RPTOR: variants seen among roughly 807,000 people sequenced by gnomAD.
RPTOR encodes the protein regulatory-associated protein of mTOR.
RPTOR carries 21 observed loss-of-function variants against 169.9 expected under a neutral mutation model. The ratio of observed to expected loss-of-function variants is 0.12; its 90% confidence interval spans 0.09 to 0.18. The LOEUF (loss-of-function observed/expected upper bound fraction) is 0.18, where lower values mean the gene tolerates loss of function less well. Ranked by LOEUF, RPTOR falls within the 10% of genes least tolerant of loss-of-function variation. The pLI, the probability that RPTOR is intolerant of heterozygous loss-of-function variation, is 1.00. For missense variants in RPTOR, 1,133 were observed against 1,855.9 expected, an observed-to-expected ratio of 0.61 and a Z score of 7.16; for synonymous variants, 732 against 753.2, an observed-to-expected ratio of 0.97 and a Z score of 0.46.
chr17:80,701,236 G>A (rs1336487562), intron 3 of RPTOR, among the ~76,000 whole-genome samples: 1 of 152,188 alleles, frequency 6.6e-6, no homozygotes, highest in African/African-American at 2.4e-5. Flanking sequence ...TGTGTCCTCA[G>A]CGGCTCCACC....
At chr17:80,962,019 G>A (rs776390172) in intron 31 of RPTOR, among the ~76,000 whole-genome samples, 20 of 152,232 alleles carry the variant, frequency 1.3e-4, no homozygotes, top group Non-Finnish European at 2.8e-4. Context: ...TGCTGGGGGT[G>A]GAAGGCAGGA....
chr17:80,819,055 C>G (rs1374758494), intron 7 of RPTOR, among the ~76,000 whole-genome samples: 1 of 152,196 alleles, frequency 6.6e-6, no homozygotes, highest in East Asian at 1.9e-4. Flanking sequence ...GGTTTGCAAA[C>G]AGCCTGCGGG....
At chr17:80,595,307 A>G (rs879938649) in intron 1 of RPTOR, among the ~76,000 whole-genome samples, 18 of 152,208 alleles carry the variant, frequency 1.2e-4, no homozygotes, top group Non-Finnish European at 1.6e-4. Context: ...ATCTAGTTCT[A>G]TTAGAAAAAA....
At chr17:80,863,985 A>T (rs1461733572) in intron 13 of RPTOR, among the ~76,000 whole-genome samples, 6 of 152,308 alleles carry the variant, frequency 3.9e-5, no homozygotes, top group South Asian at 2.1e-4. Flanking sequence ...AGAAAAAAAA[A>T]TTTAATTAAA....
intron 25 of RPTOR, among the ~76,000 whole-genome samples, chr17:80,945,410 G>C (rs1220244909): frequency 6.6e-6 from 1 of 152,054 alleles, no homozygotes; most frequent in Non-Finnish European, 1.5e-5. Context: ...GTCTAACACG[G>C]TGAAACCCCA....
chr17:80,945,362 G>A (rs8075387), intron 25 of RPTOR, among the ~76,000 whole-genome samples: 54,318 of 151,882 alleles, frequency 0.36, 9,851 homozygotes, highest in East Asian at 0.47. Context: ...GGAGGCCGAG[G>A]CGGGCAGATC....
chr17:80,958,066 G>A (rs1297294323), intron 29 of RPTOR, among the ~76,000 whole-genome samples: 2 of 151,908 alleles, frequency 1.3e-5, no homozygotes, highest in African/African-American at 4.8e-5. Context: ...TTAATTATTT[G>A]GAGGCGTTTT....
intron 3 of RPTOR, among the ~76,000 whole-genome samples, chr17:80,662,031 T>C (rs1344157724): frequency 6.6e-6 from 1 of 152,186 alleles, no homozygotes; most frequent in Non-Finnish European, 1.5e-5. Flanking sequence ...TTCTAAAAAC[T>C]TTTTTCCAGG....
chr17:80,730,779 G>GGCC lies in RPTOR; in HGVS notation c.654+73_654+74insGCC. 4 of 628,124 alleles carry GGCC rather than the reference G, an allele frequency of 6.4e-6. No individual in the cohort carries two copies. Among genetic ancestry groups the GGCC allele is most frequent in the Non-Finnish European group, 8.5e-6 (3 of 353,494 alleles). 38.9% of individuals were successfully genotyped at this position (628,124 alleles called of 1,614,324 possible). ...TCCCTGGGGGTGGGGTTTGGGTGGGGAGGTTGGGAGGTGTTGGACATCCTC... is the reference window on the plus strand; with the variant it reads ...TCCCTGGGGGTGGGGTTTGGGTGGGGGCCAGGTTGGGAGGTGTTGGACATCCTC... On this transcript the variant is annotated intron_variant, in intron 5 of 33. Transcript: ENST00000306801. The surrounding 1 kb of genome is among the most constrained non-coding windows in gnomAD (Gnocchi z 4.2).
intron 1 of RPTOR, among the ~76,000 whole-genome samples, chr17:80,556,019 G>GTTTTTTT (rs143244019): frequency 1.4e-5 from 2 of 146,396 alleles, no homozygotes. Context: ...GATCTAAAAA[G>GTTTTTTT]TTTTTTGTTT....
intron 5 of RPTOR, among the ~76,000 whole-genome samples, chr17:80,737,295 G>A (rs921534948): frequency 3.3e-5 from 5 of 152,178 alleles, no homozygotes; most frequent in African/African-American, 7.2e-5. Context: ...TGGCTGCTGC[G>A]CTGGGGACTC....
intron 6 of RPTOR, among the ~76,000 whole-genome samples, chr17:80,784,329 G>T (rs989907687): frequency 7.9e-5 from 12 of 151,924 alleles, no homozygotes; most frequent in African/African-American, 2.7e-4. Flanking sequence ...AGTTCTTTGG[G>T]TTTTTTTTAA....
chr17:80,714,817 G>A (rs2066226395), intron 4 of RPTOR, among the ~76,000 whole-genome samples: 1 of 152,202 alleles, frequency 6.6e-6, no homozygotes, highest in African/African-American at 2.4e-5. Flanking sequence ...TTTGTCTCCT[G>A]GATTCAAGCA....
chr17:80,757,959 G>C (rs546821427), intron 6 of RPTOR, among the ~76,000 whole-genome samples: 1 of 152,012 alleles, frequency 6.6e-6, no homozygotes, highest in Admixed American at 6.5e-5. Flanking sequence ...CCCATTTCAC[G>C]TTACCCCAGG....
Position 80,721,617 on chromosome 17 carries a change from C to T in RPTOR, c.508-8943C>T, listed in dbSNP as rs922679799. 1.3e-5 allele frequency among the ~76,000 whole-genome samples: 2 copies of T among 151,274 alleles called. No homozygotes were observed. Among genetic ancestry groups the T allele is most frequent in the African/African-American group, 4.9e-5 (2 of 40,598 alleles). ...GCTGGGCAGCTGGGTGTCTCCAGCCCATCATGCTGGAACATGCTGGAAGCT... is the reference window on the plus strand; with the variant it reads ...GCTGGGCAGCTGGGTGTCTCCAGCCTATCATGCTGGAACATGCTGGAAGCT... On this transcript the variant is annotated intron_variant, in intron 4 of 33. Transcript: ENST00000306801. The surrounding 1 kb of genome is among the most constrained non-coding windows in gnomAD (Gnocchi z 4.7).
At chr17:80,689,985 T>C (rs2143737444) in intron 3 of RPTOR, among the ~76,000 whole-genome samples, 1 of 152,338 alleles carries the variant, frequency 6.6e-6, no homozygotes, top group Middle Eastern at 3.4e-3. Context: ...GAAACTTTAC[T>C]TTACCATTAA....
At position 80,823,185 on chromosome 17, in the gene RPTOR, C is replaced by T. The variant is rs2143618317; in HGVS notation, c.1098C>T (p.Ser366=). ...GGTCGTATAACTGCACTCCCGTCAG[C>T]AGCCCGCGTCTGCCGCCCACGTACA... ...IMRSYNCTPV[S]SPRLPPTYMH... Residue 366 remains serine (S), a synonymous_variant, in exon 9 of 34, where the codon AGC becomes AGT. Coordinates refer to ENST00000306801, the MANE Select transcript of RPTOR (RefSeq NM_020761.3). The surrounding 1 kb of genome is among the most constrained non-coding windows in gnomAD (Gnocchi z 4.5). 1.2e-6 allele frequency: 2 copies of T among 1,614,166 alleles called. No individual in the cohort carries two copies. Among genetic ancestry groups the T allele is most frequent in the Non-Finnish European group, 1.7e-6 (2 of 1,180,026 alleles).
rs531881603 is a variant in RPTOR at position 80,919,638 on chromosome 17, A to T, written c.2521-3086A>T. 4.9e-4 allele frequency among the ~76,000 whole-genome samples: 74 copies of T among 152,356 alleles called. 1 individual carries two copies. The South Asian group carries it at 0.014, about 29-fold the overall frequency. On this transcript the variant is annotated intron_variant, in intron 21 of 33. Transcript: ENST00000306801. ...GTCTCATTCCAGTCCCCGCTTCAGC[A>T]GCTGCAACAGTCGGGGGTGGATAAA...
intron 21 of RPTOR, among the ~76,000 whole-genome samples, chr17:80,911,678 AG>A (rs1196425563): frequency 2.1e-4 from 32 of 152,124 alleles, no homozygotes. Context: ...GCAGCTACCC[AG>A]GAGGATGAGG....
Sources: allele counts gnomAD v4.1 joint callset (sites outside exome capture counted in the v4.1 genomes callset), GRCh38; gene constraint gnomAD v4.1.1; non-coding constraint Gnocchi (gnomAD v3.1); transcripts MANE v1.5; gene names NCBI Gene and HGNC (gene_info 2026-07-23, HGNC 2026-07-21).